Variants in MAGI2 observed in about 807,000 individuals in gnomAD.
MAGI2 encodes membrane-associated guanylate kinase, WW and PDZ domain-containing protein 2.
Under a neutral mutation model 133.3 loss-of-function variants are expected in MAGI2, and 35 were observed. That is an observed-to-expected ratio of 0.26 (90% CI 0.20 to 0.35). MAGI2 has a LOEUF of 0.35. Among genes scored for constraint, MAGI2 ranks in the 10% least tolerant of loss-of-function variants. MAGI2 has a pLI of 1.00. For synonymous variants in MAGI2, 729 were observed against 710.6 expected, an observed-to-expected ratio of 1.03 and a Z score of -0.41; for missense variants, 1,636 against 1,863.4, an observed-to-expected ratio of 0.88 and a Z score of 2.25.
intron 20 of MAGI2, among the ~76,000 whole-genome samples, chr7:78,086,264 G>T (rs2151203821): frequency 8.2e-6 from 1 of 122,186 alleles, no homozygotes; most frequent in Non-Finnish European, 1.7e-5. Context: ...TTGAGATGGA[G>T]TTTCACTCTG....
intron 1 of MAGI2, among the ~76,000 whole-genome samples, chr7:79,101,767 A>G (rs1462221920): frequency 6.6e-6 from 1 of 151,430 alleles, no homozygotes; most frequent in Non-Finnish European, 1.5e-5. Context: ...AAATGGACTA[A>G]TGTTAAACAC....
At chr7:78,025,726 A>G (rs73703871) in intron 21 of MAGI2, among the ~76,000 whole-genome samples, 4,644 of 152,176 alleles carry the variant, frequency 0.031, 230 homozygotes, top group African/African-American at 0.1. Flanking sequence ...GGAAATGACT[A>G]AGTTTGGGGA....
chr7:79,078,149 C>A (rs1010079998), intron 1 of MAGI2, among the ~76,000 whole-genome samples: 26 of 152,148 alleles, frequency 1.7e-4, no homozygotes, highest in Non-Finnish European at 1.5e-5. Flanking sequence ...CCCAAATAGA[C>A]AGTTTAGAAA....
intron 6 of MAGI2, among the ~76,000 whole-genome samples, chr7:78,398,197 A>G (rs1796533120): frequency 6.6e-6 from 1 of 152,198 alleles, no homozygotes; most frequent in African/African-American, 2.4e-5. Flanking sequence ...CAAGTCAGAA[A>G]TCGAAACAGC....
intron 1 of MAGI2, among the ~76,000 whole-genome samples, chr7:79,166,351 C>T (rs1281318871): frequency 6.6e-6 from 1 of 152,012 alleles, no homozygotes; most frequent in Non-Finnish European, 1.5e-5. Context: ...ACACGACAGC[C>T]CATAAGAAGG....
intron 2 of MAGI2, among the ~76,000 whole-genome samples, chr7:78,980,712 C>A (rs1450835278): frequency 6.6e-6 from 1 of 151,856 alleles, no homozygotes; most frequent in East Asian, 1.9e-4. Context: ...CTTGTATCCT[C>A]ACATATCTTG....
At chr7:79,159,458 G>A (rs1824140339) in intron 1 of MAGI2, among the ~76,000 whole-genome samples, 1 of 150,644 alleles carries the variant, frequency 6.6e-6, no homozygotes, top group South Asian at 2.1e-4. Flanking sequence ...CAGAGGTTGC[G>A]GGTGAGCTGA....
At chr7:79,196,241 A>G (rs1302597177) in intron 1 of MAGI2, among the ~76,000 whole-genome samples, 2 of 152,026 alleles carry the variant, frequency 1.3e-5, no homozygotes, top group African/African-American at 4.8e-5. Flanking sequence ...AAATTTATTC[A>G]TAGAGTTTAA....
intron 1 of MAGI2, among the ~76,000 whole-genome samples, chr7:79,295,532 C>T (rs963307885): frequency 6.6e-6 from 1 of 151,936 alleles, no homozygotes; most frequent in African/African-American, 2.4e-5. Context: ...TTTAAAAGCT[C>T]CTTCAGGCAC....
chr7:78,147,875 T>C (rs1823471740), intron 16 of MAGI2, among the ~76,000 whole-genome samples: 1 of 151,844 alleles, frequency 6.6e-6, no homozygotes, highest in Non-Finnish European at 1.5e-5. Context: ...CATACTACTA[T>C]GCACCTATTG....
In MAGI2 at chr7:78,720,612, A is replaced by T. The variant is rs113688569; in HGVS notation, c.419-93373T>A. On this transcript the variant is annotated intron_variant, in intron 2 of 21. Coordinates refer to ENST00000354212, the MANE Select transcript of MAGI2 (RefSeq NM_012301.4). ...CCACGAGAAATGGTCCATTTGTGGT[A>T]CAGGACACCACCATATACAAAGCAG... 9.5e-3 allele frequency among the ~76,000 whole-genome samples: 1,446 copies of T among 152,194 alleles called. 22 individuals are homozygous for T. Among genetic ancestry groups the T allele is most frequent in the African/African-American group, 0.033 (1,387 of 41,554 alleles).
At chr7:78,676,869 A>G (rs990134228) in intron 2 of MAGI2, among the ~76,000 whole-genome samples, 5 of 152,052 alleles carry the variant, frequency 3.3e-5, no homozygotes, top group African/African-American at 9.7e-5. Context: ...TTTCTTGCCA[A>G]ATACATTGAG....
At chr7:79,120,923 G>T (rs892991449) in intron 1 of MAGI2, among the ~76,000 whole-genome samples, 4 of 152,060 alleles carry the variant, frequency 2.6e-5, no homozygotes, top group Non-Finnish European at 5.9e-5. Context: ...TTCTCCAGAT[G>T]AATTGCTTCT....
chr7:79,095,526 C>A (rs1000676635), intron 1 of MAGI2, among the ~76,000 whole-genome samples: 1 of 152,290 alleles, frequency 6.6e-6, no homozygotes, highest in Non-Finnish European at 1.5e-5. Context: ...ACATGTGACT[C>A]TTCCTTTCAC....
intron 6 of MAGI2, among the ~76,000 whole-genome samples, chr7:78,445,923 T>C (rs1027201260): frequency 3.3e-5 from 5 of 151,584 alleles, no homozygotes; most frequent in African/African-American, 7.3e-5. Flanking sequence ...CTATATTGTC[T>C]TTTTTATTTT....
chr7:78,659,474 A>C (rs1812692476), intron 2 of MAGI2, among the ~76,000 whole-genome samples: 1 of 151,580 alleles, frequency 6.6e-6, no homozygotes, highest in Non-Finnish European at 1.5e-5. Context: ...AAAACAAAGA[A>C]AACCCTGTAA....
At chr7:78,212,868 G>T (rs1445381823) in intron 10 of MAGI2, among the ~76,000 whole-genome samples, 4 of 152,100 alleles carry the variant, frequency 2.6e-5, no homozygotes, top group Non-Finnish European at 5.9e-5. Context: ...TTTTAGATGG[G>T]GTTTCACCAT....
At chr7:79,232,520 G>C (rs1432218657) in intron 1 of MAGI2, among the ~76,000 whole-genome samples, 9 of 135,480 alleles carry the variant, frequency 6.6e-5, no homozygotes, top group Non-Finnish European at 1.3e-4. Flanking sequence ...GTTTAGTCTT[G>C]GGAGAGTGTA....
chr7:78,179,686 G>T (rs572044762), intron 13 of MAGI2, among the ~76,000 whole-genome samples: 1 of 152,268 alleles, frequency 6.6e-6, no homozygotes, highest in South Asian at 2.1e-4. Flanking sequence ...ATTAAACTCT[G>T]CAAGAAGAAT....
Sources: gnomAD v4.1 joint callset for allele counts (sites outside exome capture counted in the v4.1 genomes callset) on GRCh38, gnomAD v4.1.1 for gene constraint, MANE v1.5 for transcripts, NCBI Gene and HGNC (gene_info 2026-07-23, HGNC 2026-07-21) for gene names.